ADGRA3: variants seen among roughly 807,000 people sequenced by gnomAD.
ADGRA3 encodes adhesion G protein-coupled receptor A3.
ADGRA3 carries 56 observed loss-of-function variants against 119.8 expected under a neutral mutation model. The ratio of observed to expected loss-of-function variants is 0.47; its 90% confidence interval spans 0.38 to 0.58. The LOEUF is 0.58. Ranked by LOEUF, ADGRA3 falls within the 20% of genes least tolerant of loss-of-function variation. The probability of loss-of-function intolerance (pLI) is 0.00; values close to 1 mark genes in which losing one functional copy is unlikely to be tolerated. For synonymous variants in ADGRA3, 607 were observed against 623.8 expected (o/e 0.97, Z 0.40); for missense variants, 1,516 against 1,649.0 (o/e 0.92, Z 1.40).
At chr4:22,440,293 C>G (rs970588562) in intron 7 of ADGRA3, among the ~76,000 whole-genome samples, 14 of 152,074 alleles carry the variant, frequency 9.2e-5, no homozygotes, top group African/African-American at 3.4e-4. Context: ...AATAACATTT[C>G]CAGGAATCCT....
chr4:22,411,274 G>C (rs1012034705), intron 14 of ADGRA3, among the ~76,000 whole-genome samples: 6 of 152,150 alleles, frequency 3.9e-5, no homozygotes, highest in African/African-American at 1.2e-4. Flanking sequence ...TTTCAAAATG[G>C]AAGAGAAAAT....
rs1296687589 is a variant in ADGRA3 at position 22,428,616 on chromosome 4, G to C, written c.1444-4264C>G. On this transcript the variant is annotated intron_variant, in intron 10 of 18. Transcript: ENST00000334304. The stretch of plus-strand genomic sequence containing the variant: ...TCATTGCAGCAGCTGATCCTATTAA[G>C]CTCAAGTAGTCTTCACGATGTTCTC... Among the ~76,000 whole-genome samples the C allele has an allele frequency of 2.0e-5, 3 of 152,140 alleles. 1 individual carries two copies. The highest frequency in any genetic ancestry group is 7.2e-5 in the African/African-American group (3 of 41,418).
At chr4:22,495,055 T>C (rs973107585) in intron 1 of ADGRA3, among the ~76,000 whole-genome samples, 2 of 151,968 alleles carry the variant, frequency 1.3e-5, no homozygotes, top group Non-Finnish European at 2.9e-5. Flanking sequence ...TGTACTGTAA[T>C]AAAAATTATG....
At chr4:22,470,445 C>G (rs1335948850) in intron 2 of ADGRA3, among the ~76,000 whole-genome samples, 1 of 152,090 alleles carries the variant, frequency 6.6e-6, no homozygotes, top group Non-Finnish European at 1.5e-5. Flanking sequence ...TTCAACGGAG[C>G]CAGCTCTTAC....
intron 14 of ADGRA3, among the ~76,000 whole-genome samples, chr4:22,410,300 T>C (rs1715141352): frequency 6.6e-6 from 1 of 152,162 alleles, no homozygotes; most frequent in African/African-American, 2.4e-5. Context: ...GTTTTCTTTC[T>C]TTGTTTTTTC....
At chr4:22,451,609 TC>T (rs138874852) in intron 4 of ADGRA3, among the ~76,000 whole-genome samples, 6,084 of 71,396 alleles carry the variant, frequency 0.085, 109 homozygotes, top group Non-Finnish European at 0.1. Flanking sequence ...GGTTGTTTTT[TC>T]TAAAAAAAAA....
At chr4:22,392,053 T>TA (rs1714155220) in intron 17 of ADGRA3, among the ~76,000 whole-genome samples, 1 of 152,228 alleles carries the variant, frequency 6.6e-6, no homozygotes, top group Non-Finnish European at 1.5e-5. Context: ...TATCAGGCAT[T>TA]CAACAAGCTT....
At chr4:22,430,352 CT>C (rs1279971028) in intron 10 of ADGRA3, among the ~76,000 whole-genome samples, 3 of 152,072 alleles carry the variant, frequency 2.0e-5, no homozygotes, top group Non-Finnish European at 4.4e-5. Flanking sequence ...ATGTGGGAAA[CT>C]TTGGAACTTC....
intron 1 of ADGRA3, among the ~76,000 whole-genome samples, chr4:22,511,928 A>C (rs1577393493): frequency 9.6e-6 from 1 of 104,102 alleles, no homozygotes; most frequent in African/African-American, 3.8e-5. Flanking sequence ...ACAGAGTCTC[A>C]CTCTGTCACC....
chr4:22,515,428 C>G (rs1280476769), intron 1 of ADGRA3, 100 bp downstream of exon 1: 34 of 1,415,860 alleles, frequency 2.4e-5, no homozygotes, highest in Non-Finnish European at 3.0e-5. Flanking sequence ...CAGCTCCACA[C>G]AAAGGCGCGT....
At chr4:22,396,569 G>A (rs919895984) in intron 16 of ADGRA3, among the ~76,000 whole-genome samples, 1 of 152,118 alleles carries the variant, frequency 6.6e-6, no homozygotes, top group African/African-American at 2.4e-5. Context: ...CCAGCTACTA[G>A]GATCTGGAAT....
At chr4:22,426,372 C>T (rs1379086761) in intron 10 of ADGRA3, among the ~76,000 whole-genome samples, 1 of 152,158 alleles carries the variant, frequency 6.6e-6, no homozygotes, top group African/African-American at 2.4e-5. Context: ...AACAAAATGT[C>T]TTACGTTTAT....
At chr4:22,451,551 C>T (rs1717040646) in intron 4 of ADGRA3, among the ~76,000 whole-genome samples, 1 of 151,888 alleles carries the variant, frequency 6.6e-6, no homozygotes, top group African/African-American at 2.4e-5. Flanking sequence ...AACTTTACAC[C>T]CCCACTCCAC....
chr4:22,433,175 G>A (rs916196857), intron 10 of ADGRA3, among the ~76,000 whole-genome samples: 1 of 152,126 alleles, frequency 6.6e-6, no homozygotes, highest in Non-Finnish European at 1.5e-5. Context: ...CTGACAGTTA[G>A]TAAGTTGCCA....
At chr4:22,424,848 G>A in intron 10 of ADGRA3, among the ~76,000 whole-genome samples, 1 of 152,162 alleles carries the variant, frequency 6.6e-6, no homozygotes. Flanking sequence ...GAGGTGGGTG[G>A]ATCATTTGAG....
chr4:22,428,895 G>A (rs577932409), intron 10 of ADGRA3, among the ~76,000 whole-genome samples: 2 of 152,276 alleles, frequency 1.3e-5, no homozygotes, highest in African/African-American at 4.8e-5. Flanking sequence ...TTAAAGCTCT[G>A]ATTTTACTGA....
Position 22,442,683 on chromosome 4 carries a change from T to C in ADGRA3, c.887A>G (p.Lys296Arg). 1 of 1,613,606 alleles carries C rather than the reference T, an allele frequency of 6.2e-7. No homozygotes were observed. Among genetic ancestry groups the C allele is most frequent in the Non-Finnish European group, 8.5e-7 (1 of 1,179,730 alleles). Residue 296 changes from lysine to arginine, a missense_variant, in exon 7 of 19, where the codon AAG (lysine) becomes AGG (arginine). Physicochemically the swap from Lys to Arg is conservative, Grantham distance 26 (BLOSUM62 2). Transcript: ENST00000334304. The stretch of plus-strand genomic sequence containing the variant: ...CAAGGAGCAGTTGTGAATCATGTTC[T>C]TTTCAACAAAAATACCTTGCGATTC... ...TDESQGIFVE[K>R]NMIHNCSLIA... is the part of the protein sequence containing the mutation.
Position 22,461,929 on chromosome 4 carries a change from C to G in ADGRA3, c.330-121G>C, listed in dbSNP as rs1012762789. On this transcript the variant is annotated intron_variant, in intron 2 of 18. Coordinates refer to ENST00000334304, the MANE Select transcript of ADGRA3 (RefSeq NM_145290.4). ...TAATAATAAGAGGAGGAAACTGAAG[C>G]CAAAAGGGTTAAGCCAAGATCAACC... is the stretch of plus-strand genomic sequence containing the variant. 5.5e-6 allele frequency: 3 copies of G among 544,422 alleles called. 1 individual carries two copies. The highest frequency in any genetic ancestry group is 7.4e-5 in the Admixed American group (2 of 27,064). 33.7% of individuals were successfully genotyped at this position (544,422 alleles called of 1,614,324 possible).
At chr4:22,409,360 CAT>C (rs532298831) in intron 14 of ADGRA3, among the ~76,000 whole-genome samples, 150 of 152,106 alleles carry the variant, frequency 9.9e-4, no homozygotes, top group Middle Eastern at 6.8e-3. Context: ...ATGGTAGAAA[CAT>C]AATATTCAGA....
Sources: allele counts gnomAD v4.1 joint callset (sites outside exome capture counted in the v4.1 genomes callset), GRCh38; gene constraint gnomAD v4.1.1; transcripts MANE v1.5; gene names NCBI Gene and HGNC (gene_info 2026-07-23, HGNC 2026-07-21).